Variants in GRM1 observed in about 807,000 individuals in gnomAD.
The protein encoded by GRM1 is metabotropic glutamate receptor 1.
In GRM1, 33 loss-of-function variants were observed where a neutral mutation model predicts 90.9. The ratio of observed to expected loss-of-function variants is 0.36; its 90% CI spans 0.28 to 0.49. The LOEUF is 0.49. Among genes scored for constraint, GRM1 ranks in the 20% least tolerant of loss-of-function variants. The pLI is 0.99. For synonymous variants in GRM1, 700 were observed against 613.2 expected, an observed-to-expected ratio of 1.14 and a Z score of -2.09; for missense variants, 1,190 against 1,534.3, an observed-to-expected ratio of 0.78 and a Z score of 3.75.
At chr6:146,157,115 G>A (rs1478957881) in intron 1 of GRM1, among the ~76,000 whole-genome samples, 1 of 152,158 alleles carries the variant, frequency 6.6e-6, no homozygotes, top group Non-Finnish European at 1.5e-5. Context: ...CCTATGGTGA[G>A]AGTATAGATG....
intron 3 of GRM1, among the ~76,000 whole-genome samples, chr6:146,318,085 T>A (rs7741627): frequency 0.11 from 16,779 of 152,230 alleles, 1,802 homozygotes; most frequent in African/African-American, 0.28. Flanking sequence ...TGTGCCATGG[T>A]GGTTTGCTGG....
chr6:146,406,082 A>G (rs1207888007), intron 7 of GRM1, among the ~76,000 whole-genome samples: 2 of 152,182 alleles, frequency 1.3e-5, no homozygotes, highest in African/African-American at 4.8e-5. Context: ...ATAGAGGAGA[A>G]CTTTAAGCTT....
intron 7 of GRM1, among the ~76,000 whole-genome samples, chr6:146,400,748 C>T (rs60188620): frequency 0.02 from 3,000 of 152,200 alleles, 105 homozygotes; most frequent in African/African-American, 0.064. Context: ...GCATTAATTT[C>T]ACTCTTTCAA....
intron 2 of GRM1, among the ~76,000 whole-genome samples, chr6:146,263,745 TTAATC>T (rs1268706234): frequency 7.2e-5 from 11 of 152,090 alleles, no homozygotes; most frequent in Non-Finnish European, 1.5e-4. Context: ...AATGGCTAGT[TTAATC>T]TATTATACAA....
At chr6:146,056,446 A>G (rs1005381162) in intron 1 of GRM1, among the ~76,000 whole-genome samples, 3 of 152,166 alleles carry the variant, frequency 2.0e-5, no homozygotes, top group African/African-American at 4.8e-5. Context: ...TTGAAACACC[A>G]TATAGACCCA....
chr6:146,268,111 T>C (rs1000385537), intron 2 of GRM1, among the ~76,000 whole-genome samples: 3 of 152,170 alleles, frequency 2.0e-5, no homozygotes, highest in Non-Finnish European at 4.4e-5. Context: ...TGCTAACCAC[T>C]TTGCTTTCCA....
At chr6:146,358,466 A>G (rs1463589280) in intron 5 of GRM1, among the ~76,000 whole-genome samples, 1 of 152,110 alleles carries the variant, frequency 6.6e-6, no homozygotes. Context: ...GACCTAATAG[A>G]TCTTTCCCAT....
intron 2 of GRM1, among the ~76,000 whole-genome samples, chr6:146,170,514 C>A (rs1778077564): frequency 6.6e-6 from 1 of 151,998 alleles, no homozygotes; most frequent in Non-Finnish European, 1.5e-5. Context: ...GTTATTGATT[C>A]ACTCAATATT....
At chr6:146,317,340 G>A (rs1031546337) in intron 3 of GRM1, among the ~76,000 whole-genome samples, 51 of 152,188 alleles carry the variant, frequency 3.4e-4, no homozygotes, top group African/African-American at 1.2e-3. Context: ...AAGCTCAGTT[G>A]ATAAAACTGC....
chr6:146,136,137 C>CCACA (rs1316046824), intron 1 of GRM1, among the ~76,000 whole-genome samples: 1 of 152,154 alleles, frequency 6.6e-6, no homozygotes, highest in Non-Finnish European at 1.5e-5. Context: ...CTGAACAGTA[C>CCACA]TTCATTGTGT....
At chr6:146,256,896 T>C (rs1022127046) in intron 2 of GRM1, among the ~76,000 whole-genome samples, 6 of 152,174 alleles carry the variant, frequency 3.9e-5, no homozygotes, top group Non-Finnish European at 7.3e-5. Flanking sequence ...GGGGTGTTCA[T>C]GGCCCTCTAC....
chr6:146,339,362 A>T (rs1386163836), intron 3 of GRM1, among the ~76,000 whole-genome samples: 1 of 152,212 alleles, frequency 6.6e-6, no homozygotes, highest in Non-Finnish European at 1.5e-5. Context: ...ATAGTTTCAG[A>T]CTAAAATAAT....
At chr6:146,299,013 T>C (rs1285403104) in intron 2 of GRM1, among the ~76,000 whole-genome samples, 4 of 152,222 alleles carry the variant, frequency 2.6e-5, no homozygotes, top group East Asian at 1.9e-4. Flanking sequence ...TGTTCAGTCA[T>C]AGCTGCTTGT....
chr6:146,342,728 C>A (rs1368757298), intron 3 of GRM1, among the ~76,000 whole-genome samples: 2 of 152,196 alleles, frequency 1.3e-5, no homozygotes, highest in East Asian at 3.9e-4. Flanking sequence ...ATCACATTAT[C>A]ATTTATTTCC....
rs199556534 is a variant in GRM1 at position 146,148,072 on chromosome 6, A to G, written c.701-11276A>G. Among the ~76,000 whole-genome samples the G allele has an allele frequency of 9.9e-5, 15 of 152,174 alleles. No individual in the cohort carries two copies. In the East Asian group the frequency reaches 2.7e-3, roughly 27 times the overall value. ...ACTTTACTTAAAGGCAGTCACTACAACATTAGTATTTCTTATTTCCTTTGG... is the reference window on the plus strand; with the variant it reads ...ACTTTACTTAAAGGCAGTCACTACAGCATTAGTATTTCTTATTTCCTTTGG... On this transcript the variant is annotated intron_variant, in intron 1 of 7. Coordinates refer to ENST00000282753, the MANE Select transcript of GRM1 (RefSeq NM_001278064.2).
intron 2 of GRM1, among the ~76,000 whole-genome samples, chr6:146,296,913 T>C (rs1275444996): frequency 6.6e-6 from 1 of 152,230 alleles, no homozygotes; most frequent in Non-Finnish European, 1.5e-5. Context: ...GTCTGACTTC[T>C]ACGATTCATG....
rs149593353 is a variant in GRM1, at chr6:146,423,024, G to A, written c.2661-10848G>A. 4.1e-3 allele frequency among the ~76,000 whole-genome samples: 627 copies of A among 151,156 alleles called. 2 individuals carry two copies. Among genetic ancestry groups the A allele is most frequent in the African/African-American group, 0.014 (586 of 41,178 alleles). Reference sequence around the variant, plus strand: ...AGGGAAAGAAGAAGGAAGGAGAGAAGGGAAAAGAAGAGAGAGAGACCTTTG... The same window carrying A: ...AGGGAAAGAAGAAGGAAGGAGAGAAAGGAAAAGAAGAGAGAGAGACCTTTG... On this transcript the variant is annotated intron_variant, in intron 7 of 7. Coordinates refer to ENST00000282753, the MANE Select transcript of GRM1 (RefSeq NM_001278064.2).
At position 146,159,164 on chromosome 6, in the gene GRM1, TTGTC is replaced by T. The variant is rs1429284039; in HGVS notation, c.701-181_701-178del. Among the ~76,000 whole-genome samples, 7 of 152,346 alleles carry T rather than the reference TTGTC, an allele frequency of 4.6e-5. No homozygotes were observed. In the South Asian group the frequency reaches 1.2e-3, roughly 27 times the overall value. ...TCTCTCGTTATTTCCACAGAGTTGA[TTGTC>T]TGGTTACATTTGATTACTCTCTTTA... On this transcript the variant is annotated intron_variant, in intron 1 of 7. Coordinates refer to ENST00000282753, the MANE Select transcript of GRM1 (RefSeq NM_001278064.2).
chr6:146,314,966 G>A (rs1783916347), intron 3 of GRM1, among the ~76,000 whole-genome samples: 1 of 152,106 alleles, frequency 6.6e-6, no homozygotes. Context: ...CTTACCCAAA[G>A]TTAAAATATT....
Sources: gnomAD v4.1 joint callset for allele counts (sites outside exome capture counted in the v4.1 genomes callset) on GRCh38, gnomAD v4.1.1 for gene constraint, MANE v1.5 for transcripts, NCBI Gene and HGNC (gene_info 2026-07-23, HGNC 2026-07-21) for gene names.